The following VWF variants were observed in gnomAD, a reference collection of about 807,000 sequenced individuals.
VWF encodes Factor VIII related antigen.
In VWF, 176 loss-of-function variants were observed where a neutral mutation model predicts 308.6. That is an observed-to-expected ratio of 0.57 (90% CI 0.50 to 0.65). The LOEUF (loss-of-function observed/expected upper bound fraction) is 0.65. Among genes scored for constraint, VWF ranks in the 30% least tolerant of loss-of-function variants. VWF has a pLI of 0.00. For missense variants in VWF, 3,146 were observed against 3,648.2 expected (o/e 0.86, Z 3.55); for synonymous variants, 1,385 against 1,443.4 (o/e 0.96, Z 0.92).
chr12:6,056,977 G>A lies in VWF; in HGVS notation c.1825C>T (p.Arg609Cys), dbSNP rs1446348219. ...VSPLPYLRNC[R>C]YDVCSCSDGR... ...TCCGAGCAGGAGCACACGTCGTAGCGGCAGTTCCGCAGGTAGGGCAGCGGG... is the reference window on the plus strand; with the variant it reads ...TCCGAGCAGGAGCACACGTCGTAGCAGCAGTTCCGCAGGTAGGGCAGCGGG... The change falls in exon 15 of 52, where the codon CGC becomes TGC. Residue 609 changes from arginine to cysteine, a missense_variant. Arg to Cys is a radical substitution (Grantham distance 180, BLOSUM62 -3). Transcript: ENST00000261405. The A allele has an allele frequency of 1.3e-6, 2 of 1,543,618 alleles. No homozygotes were observed. Among genetic ancestry groups the A allele is most frequent in the African/African-American group, 2.7e-5 (2 of 73,432 alleles).
intron 3 of VWF, among the ~76,000 whole-genome samples, chr12:6,112,720 A>T (rs1465148006): frequency 6.6e-6 from 1 of 151,976 alleles, no homozygotes; most frequent in African/African-American, 2.4e-5. Context: ...TGGCCAGAGG[A>T]GCTGGGGCAG....
chr12:5,973,630 T>C (rs1943502155), intron 43 of VWF, among the ~76,000 whole-genome samples: 1 of 152,224 alleles, frequency 6.6e-6, no homozygotes, highest in African/African-American at 2.4e-5. Context: ...ACAGGCTTCA[T>C]ATAAGCTACA....
At chr12:6,015,052 T>C (rs758860163) in intron 31 of VWF, among the ~76,000 whole-genome samples, 37 of 152,370 alleles carry the variant, frequency 2.4e-4, no homozygotes, top group Admixed American at 9.1e-4. Context: ...GAACGGATTT[T>C]CTATTAGCAG....
chr12:5,953,662 G>A, intron 47 of VWF, 68 bp from the exon 48 acceptor site: 1 of 1,314,074 alleles, frequency 7.6e-7, no homozygotes, highest in South Asian at 1.2e-5. Flanking sequence ...TAAGTAGGCT[G>A]ATTTTGCTGG....
chr12:6,090,095 C>G (rs1020160521), intron 6 of VWF, among the ~76,000 whole-genome samples: 3 of 152,026 alleles, frequency 2.0e-5, no homozygotes, highest in Non-Finnish European at 4.4e-5. Context: ...GTAGCTGGGA[C>G]TACAGGCACC....
In VWF at chr12:6,031,449, C is replaced by G; in HGVS notation, c.2815G>C (p.Gly939Arg). ...VEGGEIELFD[G>R]EVNVKRPMKD... ...GGAGATGAGGCTGCACTTACCTCCC[C>G]GTCAAACAGCTCAATCTCTCCTCCC... Residue 939 changes from glycine (G) to arginine (R), a missense_variant, in exon 21 of 52, where the codon GGG becomes CGG. By Grantham distance (125) the Gly-to-Arg change is moderately radical. This residue lies in a region of VWF where 1,304 missense variants were observed against 1,353.0 expected (regional missense o/e 0.96). Transcript: ENST00000261405. 1 of 1,614,168 alleles carries G rather than the reference C, an allele frequency of 6.2e-7. No individual in the cohort carries two copies. The highest frequency in any genetic ancestry group is 8.5e-7 in the Non-Finnish European group (1 of 1,180,034).
intron 34 of VWF, among the ~76,000 whole-genome samples, chr12:6,010,389 C>A (rs778007960): frequency 2.6e-5 from 4 of 152,176 alleles, no homozygotes. Context: ...GATCGAAAAC[C>A]AAACTGATGG....
chr12:6,093,519 C>A (rs1945072985), intron 6 of VWF, among the ~76,000 whole-genome samples: 1 of 152,210 alleles, frequency 6.6e-6, no homozygotes, highest in Non-Finnish European at 1.5e-5. Context: ...TGCTCGAGAG[C>A]TCCCCAGTAA....
chr12:6,025,065 C>G (rs11609815), intron 24 of VWF, among the ~76,000 whole-genome samples: 42,495 of 150,570 alleles, frequency 0.28, 6,787 homozygotes, highest in African/African-American at 0.43. Context: ...CTTAACCTTG[C>G]GGAATTCCTC....
chr12:6,004,325 G>A (rs1056892562), intron 34 of VWF, among the ~76,000 whole-genome samples: 6 of 151,852 alleles, frequency 4.0e-5, no homozygotes, highest in African/African-American at 1.5e-4. Flanking sequence ...AAAAAATCAA[G>A]AGATTATCTC....
At chr12:5,969,633 C>A (rs1486097416) in intron 44 of VWF, among the ~76,000 whole-genome samples, 1 of 152,222 alleles carries the variant, frequency 6.6e-6, no homozygotes, top group Non-Finnish European at 1.5e-5. Context: ...CTTGGAGAAG[C>A]CAGGGGACTC....
At chr12:6,069,206 A>G (rs1463172576) in intron 10 of VWF, among the ~76,000 whole-genome samples, 1 of 152,078 alleles carries the variant, frequency 6.6e-6, no homozygotes, top group East Asian at 1.9e-4. Flanking sequence ...GATTGCTCCT[A>G]TGAAGTGCTC....
chr12:6,045,331 T>C (rs1944436600), intron 17 of VWF, among the ~76,000 whole-genome samples: 1 of 152,242 alleles, frequency 6.6e-6, no homozygotes, highest in Admixed American at 6.5e-5. Context: ...AAACTCTTGT[T>C]AGAAAACTGA....
chr12:5,960,350 T>A (rs1378361396), intron 47 of VWF, among the ~76,000 whole-genome samples: 1 of 152,074 alleles, frequency 6.6e-6, no homozygotes, highest in African/African-American at 2.4e-5. Context: ...ATTTTAAAAG[T>A]TGAATTTTAT....
intron 5 of VWF, among the ~76,000 whole-genome samples, chr12:6,100,440 C>A (rs1945149763): frequency 6.7e-6 from 1 of 150,234 alleles, no homozygotes; most frequent in African/African-American, 2.5e-5. Context: ...GACACATGCA[C>A]ACGTGTGTTT....
At chr12:6,000,602 T>TG (rs1487117312) in intron 34 of VWF, among the ~76,000 whole-genome samples, 2 of 151,462 alleles carry the variant, frequency 1.3e-5, no homozygotes, top group Non-Finnish European at 2.9e-5. Context: ...GGTCAGGTGA[T>TG]GGAGACCATC....
intron 10 of VWF, among the ~76,000 whole-genome samples, chr12:6,066,651 A>T (rs1944718673): frequency 6.6e-6 from 1 of 152,232 alleles, no homozygotes; most frequent in African/African-American, 2.4e-5. Context: ...CGTTGGAAAG[A>T]CAAATGTAAG....
At chr12:6,114,394 G>A (rs756569652) in intron 3 of VWF, among the ~76,000 whole-genome samples, 2 of 152,202 alleles carry the variant, frequency 1.3e-5, no homozygotes, top group African/African-American at 2.4e-5. Flanking sequence ...AGGGGAGCCC[G>A]GAGGTCGCTA....
At chr12:6,102,207 C>T (rs948011916) in intron 5 of VWF, among the ~76,000 whole-genome samples, 3 of 152,206 alleles carry the variant, frequency 2.0e-5, no homozygotes, top group Admixed American at 6.5e-5. Context: ...TTCGGGAGGC[C>T]GAGGTGGGCG....
Sources: allele counts gnomAD v4.1 joint callset (sites outside exome capture counted in the v4.1 genomes callset), GRCh38; gene constraint gnomAD v4.1.1; regional missense constraint gnomAD v4.1.1; transcripts MANE v1.5; gene names NCBI Gene and HGNC (gene_info 2026-07-23, HGNC 2026-07-21).